BBS9: variants seen among roughly 807,000 people sequenced by gnomAD.
The protein encoded by BBS9 is protein PTHB1.
In BBS9, 89 loss-of-function variants were observed where a neutral mutation model predicts 117.7. The ratio of observed to expected loss-of-function variants is 0.76; its 90% CI spans 0.64 to 0.90. BBS9 has a LOEUF of 0.90. Ranked by LOEUF, BBS9 falls within the 40% of genes least tolerant of loss-of-function variation. The pLI is 0.00. For missense variants in BBS9, 982 were observed against 1,042.2 expected (o/e 0.94, Z 0.80); for synonymous variants, 379 against 370.9 (o/e 1.02, Z -0.25).
chr7:33,266,016 G>T (rs893408949), intron 7 of BBS9, among the ~76,000 whole-genome samples: 2 of 152,016 alleles, frequency 1.3e-5, no homozygotes, highest in Non-Finnish European at 2.9e-5. Context: ...GTTTCTTATA[G>T]TCTGCACTTC....
At chr7:33,138,734 A>G (rs1790966709) in intron 1 of BBS9, among the ~76,000 whole-genome samples, 1 of 150,700 alleles carries the variant, frequency 6.6e-6, no homozygotes, top group South Asian at 2.1e-4. Context: ...CCTGGGCTCT[A>G]GTGGAGACTG....
At chr7:33,264,850 A>G (rs996925193) in intron 7 of BBS9, among the ~76,000 whole-genome samples, 2 of 152,194 alleles carry the variant, frequency 1.3e-5, no homozygotes, top group African/African-American at 2.4e-5. Flanking sequence ...TTTAGTTTGC[A>G]TAAAATTTAG....
intron 5 of BBS9, among the ~76,000 whole-genome samples, chr7:33,255,056 T>A (rs1226000161): frequency 6.6e-6 from 1 of 152,218 alleles, no homozygotes; most frequent in Non-Finnish European, 1.5e-5. Flanking sequence ...TTTTAGAGAC[T>A]AATTGCTTAT....
chr7:33,513,854 A>G (rs1046752499), intron 20 of BBS9, among the ~76,000 whole-genome samples: 3 of 152,240 alleles, frequency 2.0e-5, no homozygotes, highest in African/African-American at 7.2e-5. Flanking sequence ...TTGTTAATAT[A>G]TAGTGCTGAC....
chr7:33,508,617 A>T (rs758988193), intron 20 of BBS9, among the ~76,000 whole-genome samples: 13 of 152,204 alleles, frequency 8.5e-5, no homozygotes, highest in Non-Finnish European at 1.9e-4. Flanking sequence ...CACGTGCTTC[A>T]TTGCTCCATC....
At chr7:33,343,743 C>A (rs1816989301) in intron 11 of BBS9, among the ~76,000 whole-genome samples, 1 of 152,116 alleles carries the variant, frequency 6.6e-6, no homozygotes, top group Non-Finnish European at 1.5e-5. Context: ...AGGTGATCCA[C>A]CTGCTTCGGC....
At chr7:33,278,023 A>G (rs2128359520) in intron 9 of BBS9, among the ~76,000 whole-genome samples, 1 of 152,278 alleles carries the variant, frequency 6.6e-6, no homozygotes. Flanking sequence ...TTTTACTTAA[A>G]CTATAGACTA....
chr7:33,208,575 T>C (rs1016252745), intron 5 of BBS9, among the ~76,000 whole-genome samples: 1 of 152,240 alleles, frequency 6.6e-6, no homozygotes, highest in East Asian at 1.9e-4. Flanking sequence ...TATAAGCCTT[T>C]CTTTCCTCAC....
intron 4 of BBS9, among the ~76,000 whole-genome samples, chr7:33,165,488 T>G (rs188162043): frequency 1.3e-5 from 2 of 152,266 alleles, no homozygotes; most frequent in African/African-American, 2.4e-5. Flanking sequence ...GATTTGGTCT[T>G]TTCACATAGT....
intron 9 of BBS9, among the ~76,000 whole-genome samples, chr7:33,280,500 C>G (rs1306578992): frequency 6.6e-6 from 1 of 152,214 alleles, no homozygotes; most frequent in African/African-American, 2.4e-5. Context: ...GCTCAAGTCA[C>G]ATAAATAAGC....
chr7:33,143,278 A>AT (rs1445457966), intron 1 of BBS9, among the ~76,000 whole-genome samples: 1 of 151,942 alleles, frequency 6.6e-6, no homozygotes, highest in Non-Finnish European at 1.5e-5. Context: ...CCTATGTTTA[A>AT]TTTTTTGTGG....
At chr7:33,148,429 C>T (rs970228004) in intron 2 of BBS9, among the ~76,000 whole-genome samples, 19 of 152,308 alleles carry the variant, frequency 1.2e-4, no homozygotes, top group African/African-American at 4.1e-4. Context: ...GTGGTGTGAT[C>T]TTGGCTCACT....
At chr7:33,427,943 C>T (rs1048172668) in intron 19 of BBS9, among the ~76,000 whole-genome samples, 5 of 152,076 alleles carry the variant, frequency 3.3e-5, no homozygotes, top group African/African-American at 7.2e-5. Context: ...GAAGTGATCA[C>T]CCCCAGGCCA....
chr7:33,344,182 T>G (rs1276720694), intron 11 of BBS9, among the ~76,000 whole-genome samples: 1 of 145,336 alleles, frequency 6.9e-6, no homozygotes, highest in Non-Finnish European at 1.5e-5. Context: ...CCCGGGTTCA[T>G]GCCATTCTCC....
intron 18 of BBS9, among the ~76,000 whole-genome samples, chr7:33,386,455 C>CATTTATTTATTTATTT (rs35669997): frequency 2.9e-5 from 4 of 138,298 alleles, no homozygotes; most frequent in East Asian, 4.2e-4. Context: ...AGCTTGCTTT[C>CATTTATTTATTTATTT]ATTTATTTAT....
chr7:33,505,810 A>G, intron 20 of BBS9, 165 bp downstream of exon 20: 1 of 750,732 alleles, frequency 1.3e-6, no homozygotes, highest in Non-Finnish European at 2.1e-6. Flanking sequence ...AATGTCAAAC[A>G]AAGGCCTTTT....
intron 19 of BBS9, among the ~76,000 whole-genome samples, chr7:33,466,089 G>A (rs1563213064): frequency 6.6e-6 from 1 of 152,034 alleles, no homozygotes; most frequent in Non-Finnish European, 1.5e-5. Context: ...TACACACATT[G>A]TGAAATGGTT....
chr7:33,599,068 A>ATATTTAC (rs1055340445), intron 21 of BBS9, among the ~76,000 whole-genome samples: 35 of 152,216 alleles, frequency 2.3e-4, no homozygotes, highest in South Asian at 8.3e-4. Flanking sequence ...AGTCTAAAAA[A>ATATTTAC]TATTTACTAT....
At chr7:33,428,057 T>C (rs1477322809) in intron 19 of BBS9, among the ~76,000 whole-genome samples, 1 of 152,164 alleles carries the variant, frequency 6.6e-6, no homozygotes, top group African/African-American at 2.4e-5. Context: ...TTTATGGCAT[T>C]ATTTGGCTTG....
Sources: gnomAD v4.1 joint callset for allele counts (sites outside exome capture counted in the v4.1 genomes callset) on GRCh38, gnomAD v4.1.1 for gene constraint, MANE v1.5 for transcripts, NCBI Gene and HGNC (gene_info 2026-07-23, HGNC 2026-07-21) for gene names.